The following SEC31B variants were observed in gnomAD, a reference collection of about 807,000 sequenced individuals.
SEC31B encodes the protein protein transport protein Sec31B.
Under a neutral mutation model 135.0 loss-of-function variants are expected in SEC31B, and 113 were observed. The observed-to-expected ratio is 0.84, with a 90% CI of 0.72 to 0.98. The LOEUF (loss-of-function observed/expected upper bound fraction) is 0.98. Ranked by LOEUF, SEC31B falls within the 50% of genes least tolerant of loss-of-function variation. SEC31B has a pLI of 0.00. For missense variants in SEC31B, 1,296 were observed against 1,421.1 expected (o/e 0.91, Z 1.42); for synonymous variants, 508 against 549.4 (o/e 0.92, Z 1.05).
chr10:100,515,967 C>T lies in SEC31B; in HGVS notation c.203+129G>A, dbSNP rs1041719786. 82 of 1,174,330 alleles carry T rather than the reference C, an allele frequency of 7.0e-5. No individual in the cohort carries two copies. In the South Asian group the frequency reaches 1.1e-3, roughly 16 times the overall value. 72.7% of individuals were successfully genotyped at this position (1,174,330 alleles called of 1,614,324 possible). ...TTTTGCAAAATAAGCCCAGAATTAA[C>T]TTTTCTCCAACTTGGCAAAGCTCCT... On this transcript the variant is annotated intron_variant, in intron 3 of 25. Transcript: ENST00000370345.
rs867787134 is a variant in SEC31B, at chr10:100,498,051, T to C, written c.1841A>G (p.Lys614Arg). The C allele has an allele frequency of 2.5e-6, 4 of 1,614,094 alleles. No individual in the cohort carries two copies. Among genetic ancestry groups the C allele is most frequent in the Middle Eastern group, 1.6e-4 (1 of 6,084 alleles). Residue 614 changes from lysine to arginine, a missense_variant, in exon 15 of 26, where the codon AAG (lysine) becomes AGG (arginine). Coordinates refer to ENST00000370345, the MANE Select transcript of SEC31B (RefSeq NM_015490.4). ...TACCGAGGAGATTTTGGTTTTCTTC[T>C]TGGCCAAGTAGCGCTCCTGTGTTTG... ...LKQTQERYLA[K>R]KKTKISSLLA...
At chr10:100,516,428 A>C (rs1215689537) in intron 2 of SEC31B, among the ~76,000 whole-genome samples, 1 of 152,062 alleles carries the variant, frequency 6.6e-6, no homozygotes, top group Non-Finnish European at 1.5e-5. Context: ...TGGGCAGATC[A>C]CAAGGTCAGG....
rs886429081 is a variant in SEC31B at position 100,509,218 on chromosome 10, AG to A, written c.399+97del. 93 of 1,491,346 alleles carry A rather than the reference AG, an allele frequency of 6.2e-5. No homozygotes were observed. In the African/African-American group the frequency reaches 1.2e-3, roughly 20 times the overall value. 92.4% of individuals were successfully genotyped at this position (1,491,346 alleles called of 1,614,324 possible). On this transcript the variant is annotated intron_variant, in intron 4 of 25. Transcript: ENST00000370345. ...AAGCCTCCCCTGAAACAGCCTGGAA[AG>A]GGGTCAGAGTTACAGACTGGAGGCC...
intron 11 of SEC31B, among the ~76,000 whole-genome samples, 194 bp downstream of exon 11, chr10:100,502,060 G>C (rs970981987): frequency 6.6e-6 from 1 of 152,156 alleles, no homozygotes; most frequent in Non-Finnish European, 1.5e-5. Context: ...CTTCCCAAAT[G>C]GCCTTTGAGC....
intron 10 of SEC31B, among the ~76,000 whole-genome samples, chr10:100,503,178 A>ACAC (rs1423291605): frequency 6.6e-6 from 1 of 152,144 alleles, no homozygotes; most frequent in Non-Finnish European, 1.5e-5. Context: ...TTTACCCACA[A>ACAC]CACCCCCACC....
chr10:100,513,598 T>A (rs1851773477), intron 3 of SEC31B, among the ~76,000 whole-genome samples: 1 of 151,850 alleles, frequency 6.6e-6, no homozygotes, highest in African/African-American at 2.4e-5. Context: ...GCCTCCCGAG[T>A]AGCTGGGATT....
chr10:100,506,382 T>G lies in SEC31B; in HGVS notation c.821A>C (p.Glu274Ala). ...GTCCTTAGCACTAGTGAGCAGCAGC[T>G]CAGCATCAGCCTGGCTCCATGACAC... ...LSVSWSQADA[E>A]LLLTSAKDSQ... The change falls in exon 8 of 26, where the codon GAG (glutamate) becomes GCG (alanine). Residue 274 changes from glutamate to alanine, a missense_variant. Glu to Ala is a moderately radical substitution (Grantham distance 107). Transcript: ENST00000370345. The G allele has an allele frequency of 6.2e-7, 1 of 1,614,112 alleles. No individual in the cohort carries two copies. The highest frequency in any genetic ancestry group is 8.5e-7 in the Non-Finnish European group (1 of 1,180,018).
At chr10:100,499,630 A>AT in intron 11 of SEC31B, 32 bp from the exon 12 acceptor site, 1 of 1,493,994 alleles carries the variant, frequency 6.7e-7, no homozygotes, top group Non-Finnish European at 9.2e-7. Flanking sequence ...AAAAGATTCC[A>AT]TTAAATGAAC....
At position 100,495,427 on chromosome 10, in the gene SEC31B, T is replaced by C. The variant is rs755779919; in HGVS notation, c.2430A>G (p.Lys810=). The part of the protein sequence containing the change: ...RIVVGATLHS[K]ETSSYRLGSQ... ...ATCCCAATCTGTAAGATGATGTCTC[T>C]TTAGAGTGGAGGGTAGCTCCCACAA... Residue 810 remains lysine, a synonymous_variant, in exon 19 of 26, where the codon AAA becomes AAG. Coordinates refer to ENST00000370345, the MANE Select transcript of SEC31B (RefSeq NM_015490.4). 10 of 1,613,994 alleles carry C rather than the reference T, an allele frequency of 6.2e-6. No homozygotes were observed. Among genetic ancestry groups the C allele is most frequent in the Non-Finnish European group, 8.5e-6 (10 of 1,180,000 alleles).
chr10:100,505,261 A>AC, intron 10 of SEC31B, 100 bp downstream of exon 10: 1 of 1,484,790 alleles, frequency 6.7e-7, no homozygotes. Flanking sequence ...GTCTGCTACA[A>AC]AACTTAGCTC....
chr10:100,493,249 T>C (rs1325620600), intron 19 of SEC31B, among the ~76,000 whole-genome samples: 1 of 151,840 alleles, frequency 6.6e-6, no homozygotes, highest in Non-Finnish European at 1.5e-5. Flanking sequence ...GGCGGGCGCC[T>C]GTAGTACAAG....
chr10:100,498,948 T>C (rs1486220570), intron 13 of SEC31B, 144 bp from the exon 14 acceptor site: 2 of 703,616 alleles, frequency 2.8e-6, no homozygotes, highest in Non-Finnish European at 4.8e-6. Flanking sequence ...GGGAGGGCCA[T>C]AGTTCATGGT....
chr10:100,507,321 C>A, intron 7 of SEC31B, 104 bp downstream of exon 7: 1 of 1,447,438 alleles, frequency 6.9e-7, no homozygotes. Context: ...GCTTTAAAGC[C>A]AGGGAGGATG....
Position 100,506,076 on chromosome 10 carries a change from C to A in SEC31B, c.1008G>T (p.Arg336Ser). 6.2e-7 allele frequency: 1 copy of A among 1,614,148 alleles called. No individual in the cohort carries two copies. The change falls in exon 9 of 26, where the codon AGG (arginine) becomes AGT (serine). Residue 336 changes from arginine to serine, a missense_variant. By Grantham distance (110) the Arg-to-Ser change is moderately radical (BLOSUM62 -1). Coordinates refer to ENST00000370345, the MANE Select transcript of SEC31B (RefSeq NM_015490.4). ...GWISLYSVMG[R>S]SWEVQHMRQA... ...GTCTCATATGCTGGACTTCCCAGCT[C>A]CTACCCATCACAGAGTACAAACTGA...
chr10:100,490,900 A>T lies in SEC31B; in HGVS notation c.2473-17T>A. On this transcript the variant is annotated splice_polypyrimidine_tract_variant and intron_variant, in intron 19 of 25. Coordinates refer to ENST00000370345, the MANE Select transcript of SEC31B (RefSeq NM_015490.4). ...AGTTGGGACCTATGAAGAGAAAAAA[A>T]CATCAGCTCTTGGAAAGGAAAGAGA... 1 of 1,403,214 alleles carries T rather than the reference A, an allele frequency of 7.1e-7. No individual in the cohort carries two copies. The highest frequency in any genetic ancestry group is 9.4e-7 in the Non-Finnish European group (1 of 1,063,934). The allele number at this position is 1,403,214 out of a possible 1,614,324, so 86.9% of individuals were successfully genotyped here. A position where few individuals can be genotyped will look rare whatever the true frequency, so the allele number is the denominator to read the frequency against.
chr10:100,514,421 T>C (rs1851789185), intron 3 of SEC31B, among the ~76,000 whole-genome samples: 1 of 152,110 alleles, frequency 6.6e-6, no homozygotes. Context: ...CATATAAACA[T>C]CTTGAATTAG....
chr10:100,494,188 G>A (rs529820061), intron 19 of SEC31B, among the ~76,000 whole-genome samples: 9 of 152,044 alleles, frequency 5.9e-5, no homozygotes, highest in Non-Finnish European at 1.5e-5. Flanking sequence ...ATCCCCCCGG[G>A]CACTTTGGCC....
In SEC31B at chr10:100,497,818, G is replaced by A. The variant is rs965204029; in HGVS notation, c.1864-25C>T. The A allele has an allele frequency of 2.5e-6, 4 of 1,614,046 alleles. No homozygotes were observed. The African/African-American group carries it at 5.3e-5, about 22-fold the overall frequency. The stretch of plus-strand genomic sequence containing the variant: ...GCTGTAATGGGCAGAGAGGGAAAGA[G>A]ACCATCAGCCATCCATCCAGCATAG... On this transcript the variant is annotated intron_variant, in intron 15 of 25. Transcript: ENST00000370345.
chr10:100,493,374 A>C (rs996112923), intron 19 of SEC31B, among the ~76,000 whole-genome samples: 1 of 148,950 alleles, frequency 6.7e-6, no homozygotes, highest in African/African-American at 2.4e-5. Context: ...CTCCATCTCA[A>C]AAAAAAAAAA....
Sources: allele counts gnomAD v4.1 joint callset (sites outside exome capture counted in the v4.1 genomes callset), GRCh38; gene constraint gnomAD v4.1.1; transcripts MANE v1.5; gene names NCBI Gene and HGNC (gene_info 2026-07-23, HGNC 2026-07-21).